The following ZNF385D variants were observed in gnomAD, a reference collection of about 807,000 sequenced individuals.
The protein encoded by ZNF385D is zinc finger protein 659.
ZNF385D carries 15 observed loss-of-function variants against 35.8 expected under a neutral mutation model. That is an observed-to-expected ratio of 0.42 (90% CI 0.28 to 0.64). The LOEUF is 0.64. Among genes scored for constraint, ZNF385D ranks in the 30% least tolerant of loss-of-function variants. The pLI is 0.23. For missense variants in ZNF385D, 474 were observed against 494.6 expected, an observed-to-expected ratio of 0.96 and a Z score of 0.39; for synonymous variants, 212 against 186.8, an observed-to-expected ratio of 1.13 and a Z score of -1.10.
rs190326662 is a variant in ZNF385D, at chr3:22,159,196, G to A, written c.325+9621C>T. Among the ~76,000 whole-genome samples, 172 of 152,026 alleles carry A rather than the reference G, an allele frequency of 1.1e-3. 1 individual carries two copies. The South Asian group carries it at 0.014, about 13-fold the overall frequency. ...TGCTGTAAGCTGCCAATACCTTCAA[G>A]TTCTTCAAACTTCCCTAAACACACT... On this transcript the variant is annotated intron_variant, in intron 3 of 5. Transcript: ENST00000494108.
chr3:22,108,792 C>A lies in ZNF385D; in HGVS notation c.325+60025G>T, dbSNP rs565016634. On this transcript the variant is annotated intron_variant, in intron 3 of 5. Transcript: ENST00000494108. ...CTCTGGGAGGCTGAGATGGGTGGAT[C>A]ACTTGAGGTCATGAGTTCGAGACCA... is the stretch of plus-strand genomic sequence containing the variant. Among the ~76,000 whole-genome samples, 72 of 152,236 alleles carry A rather than the reference C, an allele frequency of 4.7e-4. 1 individual carries two copies. The highest frequency in any genetic ancestry group is 1.0e-3 in the South Asian group (5 of 4,822).
chr3:21,608,023 G>GTTTTTTTTTTGTTTTTTTTTT (rs2064545249), intron 2 of ZNF385D, among the ~76,000 whole-genome samples: 5 of 120,238 alleles, frequency 4.2e-5, no homozygotes, highest in Admixed American at 9.2e-5. Context: ...TTTTTTTTTT[G>GTTTTTTTTTTGTTTTTTTTTT]TTTTTTTTTT....
chr3:21,990,338 G>C (rs1317045847), intron 3 of ZNF385D, among the ~76,000 whole-genome samples: 1 of 152,058 alleles, frequency 6.6e-6, no homozygotes, highest in South Asian at 2.1e-4. Context: ...GAGCAAAAAG[G>C]AACTCTTCAC....
intron 3 of ZNF385D, among the ~76,000 whole-genome samples, chr3:22,119,981 TTTTTTTC>T (rs1439349461): frequency 1.6e-5 from 2 of 127,340 alleles, no homozygotes; most frequent in Non-Finnish European, 3.2e-5. Flanking sequence ...CATACTCAAT[TTTTTTTC>T]TTTTTTCTTT....
chr3:22,178,983 A>G (rs186531525), intron 2 of ZNF385D, among the ~76,000 whole-genome samples: 1 of 151,802 alleles, frequency 6.6e-6, no homozygotes, highest in Admixed American at 6.6e-5. Flanking sequence ...TTTTGGTTAC[A>G]GTAGCCTTGT....
At chr3:21,631,976 G>A (rs554508908) in intron 2 of ZNF385D, among the ~76,000 whole-genome samples, 1 of 152,240 alleles carries the variant, frequency 6.6e-6, no homozygotes, top group South Asian at 2.1e-4. Context: ...GCTTAAATAA[G>A]TGTATTGGTA....
At chr3:21,931,504 T>A in intron 3 of ZNF385D, among the ~76,000 whole-genome samples, 1 of 152,196 alleles carries the variant, frequency 6.6e-6, no homozygotes, top group Non-Finnish European at 1.5e-5. Flanking sequence ...TAACCAAAAC[T>A]TTAAGCAATC....
At chr3:21,870,741 A>G (rs913310836) in intron 3 of ZNF385D, among the ~76,000 whole-genome samples, 9 of 152,108 alleles carry the variant, frequency 5.9e-5, no homozygotes, top group Admixed American at 3.9e-4. Flanking sequence ...ATATGTATGT[A>G]CACCCCATTT....
At position 21,750,934 on chromosome 3, in the gene ZNF385D, T is replaced by TG. The variant is rs757912902; in HGVS notation, c.-19_-18insC. 1 of 1,614,096 alleles carries TG rather than the reference T, an allele frequency of 6.2e-7. No homozygotes were observed. Among genetic ancestry groups the TG allele is most frequent in the South Asian group, 1.1e-5 (1 of 91,082 alleles). On this transcript the variant is annotated 5_prime_UTR_variant, in exon 1 of 8. It introduces an in-frame stop codon into an upstream open reading frame of the 5' UTR. Transcript: ENST00000281523. ...TTTCTCATTAATCAGACAGCTGGAATCCCACCGCGGTGTCTTCAGCATCAG... is the reference window on the plus strand; with the variant it reads ...TTTCTCATTAATCAGACAGCTGGAATGCCCACCGCGGTGTCTTCAGCATCAG...
chr3:22,330,350 TTTTTG>T (rs1384762176), intron 2 of ZNF385D, among the ~76,000 whole-genome samples: 1 of 152,172 alleles, frequency 6.6e-6, no homozygotes, highest in African/African-American at 2.4e-5. Flanking sequence ...AGGTTTGTCT[TTTTTG>T]TTTTTATTGT....
At chr3:21,620,588 C>G (rs890399835) in intron 2 of ZNF385D, among the ~76,000 whole-genome samples, 14 of 152,290 alleles carry the variant, frequency 9.2e-5, no homozygotes, top group Admixed American at 5.2e-4. Flanking sequence ...CTTTTAGCAT[C>G]AGGTAGCACT....
intron 2 of ZNF385D, among the ~76,000 whole-genome samples, chr3:22,258,284 C>T (rs1411366003): frequency 1.3e-5 from 2 of 151,622 alleles, no homozygotes; most frequent in South Asian, 2.1e-4. Flanking sequence ...GAGAGGAAGA[C>T]ATAAAATTAT....
chr3:21,827,684 A>C (rs568192615), intron 3 of ZNF385D, among the ~76,000 whole-genome samples: 5 of 152,196 alleles, frequency 3.3e-5, no homozygotes, highest in Admixed American at 2.0e-4. Context: ...GAAGCATTAC[A>C]AGGAGTCTTG....
chr3:21,787,785 A>G (rs2071751854), intron 3 of ZNF385D, among the ~76,000 whole-genome samples: 1 of 152,052 alleles, frequency 6.6e-6, no homozygotes, highest in Non-Finnish European at 1.5e-5. Context: ...CAGAGAGGCA[A>G]TGTTAGGGGA....
At chr3:21,998,210 T>G (rs1695607720) in intron 3 of ZNF385D, among the ~76,000 whole-genome samples, 1 of 152,012 alleles carries the variant, frequency 6.6e-6, no homozygotes, top group South Asian at 2.1e-4. Flanking sequence ...TAATTATGGG[T>G]AGGTATAAAT....
intron 2 of ZNF385D, among the ~76,000 whole-genome samples, chr3:22,265,029 C>CATATTATTGAACACCTTCT (rs1576586135): frequency 1.3e-5 from 2 of 151,930 alleles, no homozygotes; most frequent in East Asian, 3.9e-4. Flanking sequence ...TTTCATGCAA[C>CATATTATTGAACACCTTCT]ATATTATTGA....
chr3:22,122,528 G>A (rs187935823), intron 3 of ZNF385D, among the ~76,000 whole-genome samples: 2 of 152,114 alleles, frequency 1.3e-5, no homozygotes, highest in Non-Finnish European at 1.5e-5. Context: ...TCTTTTCTAG[G>A]TGCTGATGAC....
At chr3:21,700,934 T>C (rs1032048903) in intron 1 of ZNF385D, among the ~76,000 whole-genome samples, 3 of 152,292 alleles carry the variant, frequency 2.0e-5, no homozygotes, top group Admixed American at 6.5e-5. Context: ...GAATATTTTT[T>C]CTCCGCCTCC....
In ZNF385D at chr3:22,019,172, G is replaced by C. The variant is rs6808575; in HGVS notation, c.325+149645C>G. 8.2e-3 allele frequency among the ~76,000 whole-genome samples: 1,210 copies of C among 147,446 alleles called. 21 individuals carry two copies. The highest frequency in any genetic ancestry group is 0.029 in the African/African-American group (1,158 of 39,970). On this transcript the variant is annotated intron_variant, in intron 3 of 5. Transcript: ENST00000494108. Reference sequence around the variant, plus strand: ...TATAATAAACCCAGATCTGTAATCTGTGCCAATCTGTAATATTAGCATAGG... The same window carrying C: ...TATAATAAACCCAGATCTGTAATCTCTGCCAATCTGTAATATTAGCATAGG...
Sources: allele counts gnomAD v4.1 joint callset (sites outside exome capture counted in the v4.1 genomes callset), GRCh38; gene constraint gnomAD v4.1.1; transcripts MANE v1.5; gene names NCBI Gene and HGNC (gene_info 2026-07-23, HGNC 2026-07-21).